FAM47E: variants seen among roughly 807,000 people sequenced by gnomAD.
FAM47E encodes protein FAM47E.
In FAM47E, 32 loss-of-function variants were observed where a neutral mutation model predicts 41.6. The observed-to-expected ratio is 0.77, with a 90% CI of 0.58 to 1.03. The LOEUF is 1.03. FAM47E is among the 50% of genes least tolerant of loss of function. The pLI, the probability that FAM47E is intolerant of heterozygous loss-of-function variation, is 0.00. For synonymous variants in FAM47E, 184 were observed against 188.7 expected (o/e 0.98, Z 0.20); for missense variants, 424 against 485.4 (o/e 0.87, Z 1.19).
At chr4:76,268,885 T>C in intron 4 of FAM47E, 117 bp downstream of exon 4, 1 of 1,301,870 alleles carries the variant, frequency 7.7e-7, no homozygotes, top group Non-Finnish European at 1.0e-6. Context: ...AAAAACAGTA[T>C]TGGATAAAAT....
At chr4:76,277,374 T>C (rs1026018486) in intron 5 of FAM47E, among the ~76,000 whole-genome samples, 37 of 151,758 alleles carry the variant, frequency 2.4e-4, no homozygotes, top group Admixed American at 1.7e-3. Flanking sequence ...TAGTCCCAGC[T>C]ACTTGGGAGG....
intron 7 of FAM47E, chr4:76,282,473 A>G (rs989399106): frequency 1.3e-5 from 2 of 151,804 alleles, no homozygotes; most frequent in African/African-American, 2.4e-5. Context: ...GTGATGTGCA[A>G]CCTCCCTGAC....
chr4:76,227,857 C>A (rs1410129653), intron 2 of FAM47E, among the ~76,000 whole-genome samples: 3 of 152,106 alleles, frequency 2.0e-5, no homozygotes, highest in Non-Finnish European at 4.4e-5. Flanking sequence ...TTCCTGCTTG[C>A]TTTTGGTGTT....
intron 2 of FAM47E, among the ~76,000 whole-genome samples, chr4:76,228,478 TAA>T (rs906897366): frequency 2.1e-5 from 3 of 140,774 alleles, no homozygotes; most frequent in African/African-American, 2.6e-5. Flanking sequence ...GCCTCCATCT[TAA>T]AAAAAAAAAA....
chr4:76,214,794 TTG>T (rs1309406947), intron 1 of FAM47E, among the ~76,000 whole-genome samples: 1 of 152,168 alleles, frequency 6.6e-6, no homozygotes, highest in Non-Finnish European at 1.5e-5. Flanking sequence ...GAATAGGAGG[TTG>T]TGTTTGTCCC....
chr4:76,229,112 T>G (rs1246835076), intron 2 of FAM47E, among the ~76,000 whole-genome samples: 1 of 152,208 alleles, frequency 6.6e-6, no homozygotes, highest in African/African-American at 2.4e-5. Flanking sequence ...TTCTTCTACT[T>G]GTTCTATTGT....
intron 2 of FAM47E, among the ~76,000 whole-genome samples, chr4:76,219,241 G>A (rs1733266512): frequency 6.6e-6 from 1 of 152,224 alleles, no homozygotes; most frequent in Non-Finnish European, 1.5e-5. Context: ...TAGTGTGTGT[G>A]GGAGACAATG....
chr4:76,276,063 C>CAA (rs1378395546), intron 5 of FAM47E, among the ~76,000 whole-genome samples: 1 of 149,138 alleles, frequency 6.7e-6, no homozygotes, highest in African/African-American at 2.5e-5. Flanking sequence ...CACACACACA[C>CAA]ACACACCCCT....
In FAM47E at chr4:76,278,197, G is replaced by A; in HGVS notation, c.999G>A (p.Glu333=). Residue 333 remains glutamate, a synonymous_variant, in exon 6 of 8, where the codon GAG becomes GAA. Coordinates refer to ENST00000424749, the MANE Select transcript of FAM47E (RefSeq NM_001136570.3). ...DPEVSHKAQE[E]NFKKELQEQE... ...AGGTCTCACATAAGGCTCAAGAGGA[G>A]AATTTTAAAAAGGAGCTGCAGGAAC... The A allele has an allele frequency of 1.3e-6, 2 of 1,541,636 alleles. No homozygotes were observed. The highest frequency in any genetic ancestry group is 1.7e-6 in the Non-Finnish European group (2 of 1,144,608).
chr4:76,256,804 C>T lies in FAM47E; in HGVS notation c.420+281C>T, dbSNP rs1018518787. ...CCAGAAACGTATGACTTCTATTCCC[C>T]ATAATTTCTACCCATCTACTGTACT... On this transcript the variant is annotated intron_variant, in intron 2 of 7. Coordinates refer to ENST00000424749, the MANE Select transcript of FAM47E (RefSeq NM_001136570.3). Among the ~76,000 whole-genome samples, 17 of 152,158 alleles carry T rather than the reference C, an allele frequency of 1.1e-4. 1 individual carries two copies. Among genetic ancestry groups the T allele is most frequent in the African/African-American group, 3.6e-4 (15 of 41,420 alleles).
At chr4:76,280,183 C>A in intron 6 of FAM47E, 81 bp from the exon 7 acceptor site, 6 of 841,356 alleles carry the variant, frequency 7.1e-6, no homozygotes, top group Non-Finnish European at 1.1e-5. Flanking sequence ...TTATAAGGAA[C>A]TAAATGCTTT....
At chr4:76,274,202 C>A (rs1001706828) in intron 5 of FAM47E, among the ~76,000 whole-genome samples, 1 of 152,146 alleles carries the variant, frequency 6.6e-6, no homozygotes, top group African/African-American at 2.4e-5. Flanking sequence ...ATTTGTATTC[C>A]TATAAATATT....
intron 2 of FAM47E, among the ~76,000 whole-genome samples, chr4:76,245,629 C>A (rs939639744): frequency 9.2e-5 from 14 of 152,150 alleles, no homozygotes; most frequent in Non-Finnish European, 1.9e-4. Flanking sequence ...ACAAATCAGC[C>A]AGCAGATACC....
At chr4:76,279,439 A>G (rs1405192912) in intron 6 of FAM47E, 1 of 152,266 alleles carries the variant, frequency 6.6e-6, no homozygotes, top group African/African-American at 2.4e-5. Flanking sequence ...GACAAATGCT[A>G]TAAAGATGTT....
At chr4:76,256,110 A>G (rs1331514065) in intron 1 of FAM47E, 68 bp from the exon 2 acceptor site, 17 of 1,479,470 alleles carry the variant, frequency 1.1e-5, no homozygotes, top group Admixed American at 4.5e-5. Flanking sequence ...TCTCCCACCC[A>G]AGTCCTGTGG....
At chr4:76,229,515 C>T (rs956230052) in intron 2 of FAM47E, among the ~76,000 whole-genome samples, 1 of 152,176 alleles carries the variant, frequency 6.6e-6, no homozygotes, top group African/African-American at 2.4e-5. Flanking sequence ...TGTTCAGATT[C>T]TTTTGTCCTA....
intron 4 of FAM47E, chr4:76,269,603 G>A (rs1178370261): frequency 1.4e-5 from 2 of 143,668 alleles, no homozygotes; most frequent in Non-Finnish European, 3.1e-5. Context: ...GTGACAGGGA[G>A]AGACTCCGTC....
chr4:76,268,528 A>T (rs1578793014), intron 3 of FAM47E, 132 bp from the exon 4 acceptor site: 1 of 870,114 alleles, frequency 1.1e-6, no homozygotes, highest in East Asian at 2.8e-5. Flanking sequence ...TTAAAATACA[A>T]TTTGTATGTG....
At chr4:76,269,527 G>A (rs2869870) in intron 4 of FAM47E, 49,805 of 151,960 alleles carry the variant, frequency 0.33, 9,500 homozygotes, top group Non-Finnish European at 0.41. Flanking sequence ...TGAGGCAGGA[G>A]AATTGCTTGA....
Sources: allele counts gnomAD v4.1 joint callset (sites outside exome capture counted in the v4.1 genomes callset), GRCh38; gene constraint gnomAD v4.1.1; transcripts MANE v1.5; gene names NCBI Gene and HGNC (gene_info 2026-07-23, HGNC 2026-07-21).